PTK2B: variants seen among roughly 807,000 people sequenced by gnomAD.
PTK2B encodes protein-tyrosine kinase 2-beta.
Under a neutral mutation model 142.9 loss-of-function variants are expected in PTK2B, and 71 were observed. The ratio of observed to expected loss-of-function variants is 0.50; its 90% CI spans 0.41 to 0.61. The LOEUF (loss-of-function observed/expected upper bound fraction) is 0.61, where lower values mean the gene tolerates loss of function less well. Among genes scored for constraint, PTK2B ranks in the 20% least tolerant of loss-of-function variants. The pLI is 0.00. For missense variants in PTK2B, 1,105 were observed against 1,320.4 expected, an observed-to-expected ratio of 0.84 and a Z score of 2.53; for synonymous variants, 519 against 503.4, an observed-to-expected ratio of 1.03 and a Z score of -0.42.
chr8:27,437,935 C>A, intron 18 of PTK2B, 55 bp downstream of exon 18: 1 of 1,435,414 alleles, frequency 7.0e-7, no homozygotes, highest in Non-Finnish European at 9.7e-7. Flanking sequence ...ACCAGATCCT[C>A]AAGGCCTCTG....
chr8:27,315,732 A>G (rs576196464), intron 3 of PTK2B, among the ~76,000 whole-genome samples: 246 of 152,216 alleles, frequency 1.6e-3, no homozygotes, highest in Non-Finnish European at 2.9e-3. Flanking sequence ...TTAACATTAA[A>G]CCAATAAGGC....
chr8:27,311,217 C>G, upstream of PTK2B: 2 of 1,568,966 alleles, frequency 1.3e-6, no homozygotes, highest in South Asian at 2.3e-5. Flanking sequence ...CCGGGGGACA[C>G]GTCGGGACTC....
intron 1 of PTK2B, among the ~76,000 whole-genome samples, chr8:27,385,138 A>C (rs968612441): frequency 2.0e-5 from 3 of 152,204 alleles, no homozygotes; most frequent in Non-Finnish European, 2.9e-5. Flanking sequence ...ACAGGGGGTA[A>C]TGGTACCTAG....
At chr8:27,353,560 A>AAC (rs10640386) in intron 1 of PTK2B, among the ~76,000 whole-genome samples, 56,716 of 151,632 alleles carry the variant, frequency 0.37, 11,822 homozygotes, top group Non-Finnish European at 0.48. Flanking sequence ...CTCTCTCTCT[A>AAC]ACACACACAC....
chr8:27,414,618 G>GTGTGTATGTGTGTGTGTTTGTGTGTGTC (rs1809282543), intron 2 of PTK2B, among the ~76,000 whole-genome samples: 1 of 152,276 alleles, frequency 6.6e-6, no homozygotes, highest in Admixed American at 6.5e-5. Context: ...GTGTGTGTGT[G>GTGTGTATGTGTGTGTGTTTGTGTGTGTC]TGTATCTCTT....
In PTK2B at chr8:27,458,296, C is replaced by T. The variant is rs530386451; in HGVS notation, c.2817C>T (p.Ile939=). The change falls in exon 31 of 31, where the codon ATC becomes ATT. Residue 939 remains isoleucine, a splice_region_variant and synonymous_variant. Transcript: ENST00000346049. ...PSLPSSSRTE[I]EGTQKLLNKD... ...TGTCCTGTGTGATCTTCCTACAGAT[C>T]GAGGGCACCCAGAAACTGCTCAACA... 6.0e-5 allele frequency: 97 copies of T among 1,613,710 alleles called. 1 individual carries two copies. The highest frequency in any genetic ancestry group is 3.7e-4 in the South Asian group (34 of 90,982).
chr8:27,429,469 G>A (rs1435178526), intron 5 of PTK2B, among the ~76,000 whole-genome samples: 3 of 152,190 alleles, frequency 2.0e-5, no homozygotes, highest in African/African-American at 7.2e-5. Context: ...TAGCTATTTG[G>A]TCTCAGCTTA....
chr8:27,373,074 A>G (rs1030311592), intron 1 of PTK2B, among the ~76,000 whole-genome samples: 1 of 152,154 alleles, frequency 6.6e-6, no homozygotes, highest in African/African-American at 2.4e-5. Flanking sequence ...CCACTGGCCT[A>G]TCGGCTTAGG....
rs753828871 is a variant in PTK2B, at chr8:27,454,215, A to G, written c.2657A>G (p.Glu886Gly). ...GACCTGGTGTACCTCAATGTCATGG[A>G]GCTGGTGCGGGCCGTGCTGGAGCTC... ...TDDLVYLNVM[E>G]LVRAVLELKN... is the part of the protein sequence containing the mutation. The change falls in exon 29 of 31, where the codon GAG becomes GGG. Residue 886 changes from glutamate (E) to glycine (G), a missense_variant. Physicochemically the swap from Glu to Gly is moderately conservative, Grantham distance 98 (BLOSUM62 -2). Coordinates refer to ENST00000346049, the MANE Select transcript of PTK2B (RefSeq NM_173176.3). The G allele has an allele frequency of 6.2e-7, 1 of 1,614,076 alleles. No individual in the cohort carries two copies. Among genetic ancestry groups the G allele is most frequent in the Admixed American group, 1.7e-5 (1 of 59,998 alleles).
intron 1 of PTK2B, among the ~76,000 whole-genome samples, chr8:27,379,364 C>G (rs1345251697): frequency 6.6e-6 from 1 of 152,164 alleles, no homozygotes; most frequent in Non-Finnish European, 1.5e-5. Flanking sequence ...GTAGCTGGGA[C>G]TACAGGCACA....
intron 24 of PTK2B, among the ~76,000 whole-genome samples, chr8:27,448,958 G>A (rs779434125): frequency 2.6e-5 from 4 of 152,184 alleles, no homozygotes; most frequent in Non-Finnish European, 5.9e-5. Flanking sequence ...GTCTAGCTCA[G>A]TGGTTCTCAG....
chr8:27,416,877 CAG>C (rs1809433094), intron 2 of PTK2B, among the ~76,000 whole-genome samples: 1 of 152,146 alleles, frequency 6.6e-6, no homozygotes, highest in Admixed American at 6.5e-5. Flanking sequence ...CATTAGTCAT[CAG>C]AGAGATGCAA....
intron 1 of PTK2B, among the ~76,000 whole-genome samples, chr8:27,335,980 G>C (rs570045494): frequency 3.3e-5 from 5 of 152,202 alleles, no homozygotes; most frequent in Non-Finnish European, 1.5e-5. Context: ...GGATCTCCTG[G>C]GGTGCAGGTC....
At chr8:27,374,333 G>A (rs1806535661) in intron 1 of PTK2B, among the ~76,000 whole-genome samples, 1 of 152,246 alleles carries the variant, frequency 6.6e-6, no homozygotes, top group Non-Finnish European at 1.5e-5. Flanking sequence ...CAGTATGGTA[G>A]GACATGCAGA....
chr8:27,369,309 G>A (rs1806202419), intron 1 of PTK2B, among the ~76,000 whole-genome samples: 3 of 152,070 alleles, frequency 2.0e-5, no homozygotes, highest in Admixed American at 2.0e-4. Context: ...CCCTGTGCTG[G>A]GCCTGGGGGA....
Position 27,437,874 on chromosome 8 carries a change from T to C in PTK2B, c.1637T>C (p.Val546Ala), listed in dbSNP as rs1379800580. 5 of 1,610,488 alleles carry C rather than the reference T, an allele frequency of 3.1e-6. No homozygotes were observed. The Admixed American group carries it at 8.4e-5, about 27-fold the overall frequency. Reference sequence around the variant, plus strand: ...GCCTACCTGGAGAGCATCAACTGCGTGCACAGGTAGGGGTGGAGGGAGTGG... The same window carrying C: ...GCCTACCTGGAGAGCATCAACTGCGCGCACAGGTAGGGGTGGAGGGAGTGG... ...AMAYLESINC[V>A]HRDIAVRNIL... Residue 546 changes from valine to alanine, a missense_variant, in exon 18 of 31, where the codon GTG (valine) becomes GCG (alanine). Transcript: ENST00000346049.
chr8:27,358,257 C>T (rs1805498845), intron 1 of PTK2B, among the ~76,000 whole-genome samples: 1 of 152,126 alleles, frequency 6.6e-6, no homozygotes, highest in African/African-American at 2.4e-5. Flanking sequence ...GAGTTGACTG[C>T]TACACAGTTT....
chr8:27,382,015 T>A lies in PTK2B; in HGVS notation c.-37-15533T>A, dbSNP rs149623269. Reference sequence around the variant, plus strand: ...CCCAGGCTGGAATGCAGTGGCATGATCTCGGCTCACTGCAACCTTTGCCTC... The same window carrying A: ...CCCAGGCTGGAATGCAGTGGCATGAACTCGGCTCACTGCAACCTTTGCCTC... On this transcript the variant is annotated intron_variant, in intron 1 of 30. Transcript: ENST00000346049. 3.7e-4 allele frequency among the ~76,000 whole-genome samples: 57 copies of A among 152,348 alleles called. No individual in the cohort carries two copies. The East Asian group carries it at 9.7e-3, about 26-fold the overall frequency.
chr8:27,453,810 G>T (rs548297773), intron 28 of PTK2B, among the ~76,000 whole-genome samples: 1 of 152,146 alleles, frequency 6.6e-6, no homozygotes, highest in Non-Finnish European at 1.5e-5. Flanking sequence ...GGAGGTCAAG[G>T]CATTAGTGAG....
Sources: gnomAD v4.1 joint callset for allele counts (sites outside exome capture counted in the v4.1 genomes callset) on GRCh38, gnomAD v4.1.1 for gene constraint, MANE v1.5 for transcripts, NCBI Gene and HGNC (gene_info 2026-07-23, HGNC 2026-07-21) for gene names.